Variants in SLC8A1 observed in about 807,000 individuals in gnomAD.
SLC8A1 encodes solute carrier family 8 member A1.
A neutral mutation model predicts 68.3 loss-of-function variants in SLC8A1; 18 were observed. The ratio of observed to expected loss-of-function variants is 0.26; its 90% CI spans 0.18 to 0.39. The LOEUF is 0.39. Among genes scored for constraint, SLC8A1 ranks in the 10% least tolerant of loss-of-function variants. The probability of loss-of-function intolerance (pLI) is 1.00; values close to 1 mark genes in which losing one functional copy is unlikely to be tolerated. For synonymous variants in SLC8A1, 475 were observed against 415.5 expected (o/e 1.14, Z -1.74); for missense variants, 985 against 1,156.7 (o/e 0.85, Z 2.15).
At chr2:40,280,251 TAAAA>T (rs67427562) in intron 2 of SLC8A1, among the ~76,000 whole-genome samples, 14,122 of 94,426 alleles carry the variant, frequency 0.15, 1,064 homozygotes, top group East Asian at 0.45. Flanking sequence ...AAATAAACAC[TAAAA>T]AAAAAAAAAA....
chr2:40,332,560 C>G (rs2076528945), intron 2 of SLC8A1, among the ~76,000 whole-genome samples: 1 of 151,996 alleles, frequency 6.6e-6, no homozygotes, highest in East Asian at 1.9e-4. Context: ...AGTAGTGACG[C>G]CAGGGAGAAA....
chr2:40,430,293 T>A (rs1288071286), exon 2 of SLC8A1: 3 of 1,590,638 alleles, frequency 1.9e-6, no homozygotes, highest in African/African-American at 2.7e-5. Context: ...CACTTCCAAC[T>A]GTCACAACCT....
At chr2:40,409,604 G>C (rs1375153120) in intron 2 of SLC8A1, among the ~76,000 whole-genome samples, 1 of 152,106 alleles carries the variant, frequency 6.6e-6, no homozygotes, top group Non-Finnish European at 1.5e-5. Flanking sequence ...CTACTGTATA[G>C]CTTGCTGAAT....
At chr2:40,483,278 A>AAT (rs574973821) in intron 1 of SLC8A1, among the ~76,000 whole-genome samples, 192 of 150,280 alleles carry the variant, frequency 1.3e-3, no homozygotes, top group African/African-American at 3.3e-3. Context: ...TATGTTAAAA[A>AAT]ATATATATAT....
At chr2:40,262,231 G>T (rs1395496307) in intron 2 of SLC8A1, among the ~76,000 whole-genome samples, 1 of 152,146 alleles carries the variant, frequency 6.6e-6, no homozygotes, top group Admixed American at 6.5e-5. Flanking sequence ...AAAGTGCTGG[G>T]ATTACAGGCA....
chr2:40,204,732 T>C (rs898752145), intron 2 of SLC8A1, among the ~76,000 whole-genome samples: 2 of 152,026 alleles, frequency 1.3e-5, no homozygotes, highest in Non-Finnish European at 2.9e-5. Flanking sequence ...AATTTAATAA[T>C]AACTTTTATT....
chr2:40,424,773 C>T (rs754988386), intron 2 of SLC8A1, among the ~76,000 whole-genome samples: 28 of 151,756 alleles, frequency 1.8e-4, no homozygotes, highest in Admixed American at 2.0e-4. Flanking sequence ...ATACTAAACG[C>T]TCATAATCTT....
At chr2:40,291,908 T>C (rs1000520313) in intron 2 of SLC8A1, among the ~76,000 whole-genome samples, 1 of 151,792 alleles carries the variant, frequency 6.6e-6, no homozygotes, top group Non-Finnish European at 1.5e-5. Context: ...CTTTACTTTT[T>C]TTTTTTTTTT....
intron 7 of SLC8A1, among the ~76,000 whole-genome samples, chr2:40,119,957 A>G (rs1209590138): frequency 1.3e-5 from 2 of 152,226 alleles, no homozygotes; most frequent in African/African-American, 4.8e-5. Flanking sequence ...GACCTGCCTC[A>G]AGTTCATGGT....
chr2:40,170,060 C>T (rs1324191472), intron 4 of SLC8A1, among the ~76,000 whole-genome samples: 1 of 152,196 alleles, frequency 6.6e-6, no homozygotes, highest in East Asian at 1.9e-4. Context: ...TGGGATCAGT[C>T]TTCTCTGCAG....
chr2:40,265,486 G>C (rs1417050488), intron 2 of SLC8A1, among the ~76,000 whole-genome samples: 3 of 152,142 alleles, frequency 2.0e-5, no homozygotes, highest in African/African-American at 7.2e-5. Flanking sequence ...TCAATGGAAA[G>C]GTAGCGAAAA....
chr2:40,347,537 C>A (rs1411293405), intron 2 of SLC8A1, among the ~76,000 whole-genome samples: 1 of 152,146 alleles, frequency 6.6e-6, no homozygotes, highest in Non-Finnish European at 1.5e-5. Flanking sequence ...TCTCAGTTCC[C>A]ATATATGCAA....
At chr2:40,169,091 C>G (rs1247821163) in intron 4 of SLC8A1, among the ~76,000 whole-genome samples, 2 of 152,146 alleles carry the variant, frequency 1.3e-5, no homozygotes, top group Non-Finnish European at 2.9e-5. Flanking sequence ...TTTGAGAAAG[C>G]TGTTTCTAAC....
intron 2 of SLC8A1, among the ~76,000 whole-genome samples, chr2:40,349,224 C>G (rs1397865684): frequency 6.6e-6 from 1 of 151,932 alleles, no homozygotes; most frequent in Non-Finnish European, 1.5e-5. Flanking sequence ...TATGTCAAGT[C>G]TGAAAAAAAC....
intron 6 of SLC8A1, among the ~76,000 whole-genome samples, chr2:40,145,537 G>A (rs1348924093): frequency 6.6e-6 from 1 of 152,140 alleles, no homozygotes; most frequent in Non-Finnish European, 1.5e-5. Context: ...CCAGAATTAT[G>A]ACTTTTTTGC....
chr2:40,328,101 A>C (rs2076036546), intron 2 of SLC8A1, among the ~76,000 whole-genome samples: 1 of 152,324 alleles, frequency 6.6e-6, no homozygotes, highest in East Asian at 1.9e-4. Context: ...AAGAGGGTAA[A>C]GAGTTAGACT....
At chr2:40,215,325 C>G (rs2057290943) in intron 2 of SLC8A1, among the ~76,000 whole-genome samples, 1 of 151,954 alleles carries the variant, frequency 6.6e-6, no homozygotes, top group Non-Finnish European at 1.5e-5. Context: ...ACTGCTATGC[C>G]CAACTAATTT....
intron 2 of SLC8A1, among the ~76,000 whole-genome samples, chr2:40,182,669 G>C (rs1287160007): frequency 6.6e-6 from 1 of 152,146 alleles, no homozygotes; most frequent in African/African-American, 2.4e-5. Context: ...TCTTCAAACA[G>C]ACTACCAAGG....
At chr2:40,337,213 A>T (rs984653411) in intron 2 of SLC8A1, 3 of 244,236 alleles carry the variant, frequency 1.2e-5, no homozygotes, top group African/African-American at 6.5e-5. Flanking sequence ...TGGGGGAAGT[A>T]AATACATTCA....
Sources: allele counts gnomAD v4.1 joint callset (sites outside exome capture counted in the v4.1 genomes callset), GRCh38; gene constraint gnomAD v4.1.1; transcripts MANE v1.5; gene names NCBI Gene and HGNC (gene_info 2026-07-23, HGNC 2026-07-21).